ADGRE3: variants seen among roughly 807,000 people sequenced by gnomAD.
ADGRE3 encodes the protein EGF-like module receptor 3.
Under a neutral mutation model 80.1 loss-of-function variants are expected in ADGRE3, and 88 were observed. The observed-to-expected ratio is 1.10, with a 90% CI of 0.93 to 1.31. The LOEUF is 1.31. Ranked by LOEUF, ADGRE3 falls within the 40% of genes most tolerant of loss-of-function variation. ADGRE3 has a pLI of 0.00. For synonymous variants in ADGRE3, 281 were observed against 294.8 expected, an observed-to-expected ratio of 0.95 and a Z score of 0.48; for missense variants, 715 against 776.5, an observed-to-expected ratio of 0.92 and a Z score of 0.94.
intron 2 of ADGRE3, chr19:14,668,581 G>A: frequency 3.7e-6 from 2 of 547,146 alleles, no homozygotes; most frequent in South Asian, 5.3e-5. Context: ...ACTGTGGTTA[G>A]CAAAAACAGA....
At chr19:14,669,088 T>C (rs1972181310) in intron 1 of ADGRE3, among the ~76,000 whole-genome samples, 1 of 152,114 alleles carries the variant, frequency 6.6e-6, no homozygotes, top group South Asian at 2.1e-4. Flanking sequence ...AAGAAATCAT[T>C]ATATAAAAAA....
downstream of ADGRE3, chr19:14,619,092 C>T (rs542465163): frequency 1.3e-5 from 4 of 301,010 alleles, no homozygotes; most frequent in Admixed American, 5.6e-5. Flanking sequence ...CAGAGTGAAA[C>T]TCTGTCTTAA....
At chr19:14,664,394 G>A (rs576474095) in intron 2 of ADGRE3, among the ~76,000 whole-genome samples, 13 of 152,216 alleles carry the variant, frequency 8.5e-5, no homozygotes, top group South Asian at 2.1e-4. Flanking sequence ...CCGAGATCGC[G>A]CCATTGTGAT....
At chr19:14,618,187 A>G (rs1042277534), downstream of ADGRE3, among the ~76,000 whole-genome samples, 7 of 152,200 alleles carry the variant, frequency 4.6e-5, no homozygotes, top group Non-Finnish European at 1.0e-4. Flanking sequence ...ACATCGTGGA[A>G]TGACTAAGTC....
At chr19:14,667,588 G>A (rs1450796687) in intron 2 of ADGRE3, among the ~76,000 whole-genome samples, 1 of 152,046 alleles carries the variant, frequency 6.6e-6, no homozygotes, top group Non-Finnish European at 1.5e-5. Context: ...ACTATCAGAA[G>A]GACAGAAAAC....
At chr19:14,601,356 A>G in the ADGRE3 span, among the ~76,000 whole-genome samples, 1 of 152,214 alleles carries the variant, frequency 6.6e-6, no homozygotes, top group Non-Finnish European at 1.5e-5. Context: ...TGGTAGGGAA[A>G]TAAGTCTCAC....
intron 15 of ADGRE3, among the ~76,000 whole-genome samples, chr19:14,620,526 ATATATATATTTTATATATATAT>A (rs1457313542): frequency 1.5e-3 from 18 of 11,896 alleles, no homozygotes; most frequent in African/African-American, 2.3e-3. Flanking sequence ...CTATATATGA[ATATATATATTTTATATATATAT>A]TATATATATA....
rs577596349 is a variant in ADGRE3 at position 14,661,988 on chromosome 19, A to C, written c.330T>G (p.Ser110Arg). 23 of 1,614,226 alleles carry C rather than the reference A, an allele frequency of 1.4e-5. 2 individuals carry two copies. Among genetic ancestry groups the C allele is most frequent in the Middle Eastern group, 3.3e-4 (2 of 6,062 alleles). Reference protein sequence around the residue: ...YRLHSGNEQFSNSNENTCQDT... With the variant: ...YRLHSGNEQFRNSNENTCQDT... The stretch of plus-strand genomic sequence containing the variant: ...CCTGACAGGTGTTCTCATTGGAATT[A>C]CTGAATTGTTCATTCCCAGAATGCA... The change falls in exon 4 of 16, where the codon AGT becomes AGG. Residue 110 changes from serine (S) to arginine (R), a missense_variant. Transcript: ENST00000253673.
the ADGRE3 span, chr19:14,610,858 C>T: frequency 6.6e-6 from 1 of 152,140 alleles, no homozygotes; most frequent in Non-Finnish European, 1.5e-5. Flanking sequence ...GATGAGGTCT[C>T]ACTCTGTTGC....
chr19:14,623,936 A>T (rs1970665713), intron 15 of ADGRE3, among the ~76,000 whole-genome samples: 1 of 151,908 alleles, frequency 6.6e-6, no homozygotes, highest in Non-Finnish European at 1.5e-5. Context: ...CGGGAAAAGG[A>T]CTCTTCCTCA....
At chr19:14,612,278 C>T in the ADGRE3 span, among the ~76,000 whole-genome samples, 1 of 152,112 alleles carries the variant, frequency 6.6e-6, no homozygotes. Context: ...AGATGATCCT[C>T]TTCTCCCTGT....
At chr19:14,647,410 CTTTTTTTT>C in intron 7 of ADGRE3, 45 bp from the exon 8 acceptor site, 5 of 939,982 alleles carry the variant, frequency 5.3e-6, no homozygotes, top group East Asian at 3.1e-5. Flanking sequence ...TCTTTTCTTT[CTTTTTTTT>C]TTTTTTTTTT....
chr19:14,655,194 T>C (rs771573330), intron 5 of ADGRE3, 29 bp from the exon 6 acceptor site: 6 of 1,586,400 alleles, frequency 3.8e-6, no homozygotes, highest in Non-Finnish European at 5.1e-6. Flanking sequence ...TTTTCATTTT[T>C]TAAAAATGTA....
intron 11 of ADGRE3, among the ~76,000 whole-genome samples, chr19:14,633,708 AAAAAT>A (rs371090073): frequency 0.029 from 3,609 of 123,698 alleles, 154 homozygotes; most frequent in African/African-American, 0.079. Context: ...CCGTCTCAAA[AAAAAT>A]AAAATAAAAT....
intron 5 of ADGRE3, among the ~76,000 whole-genome samples, chr19:14,656,497 T>G (rs1439608005): frequency 6.6e-6 from 1 of 152,048 alleles, no homozygotes; most frequent in African/African-American, 2.4e-5. Context: ...ATAGTCAGGC[T>G]GAGGAGGCGG....
intron 15 of ADGRE3, among the ~76,000 whole-genome samples, chr19:14,620,548 T>TATTTTA: frequency 2.0e-4 from 5 of 24,976 alleles, no homozygotes; most frequent in African/African-American, 1.1e-3. Flanking sequence ...TATATATATA[T>TATTTTA]TATATATATA....
chr19:14,654,927 A>G (rs1317877401), intron 6 of ADGRE3, 55 bp downstream of exon 6: 16 of 1,439,022 alleles, frequency 1.1e-5, no homozygotes, highest in South Asian at 2.6e-5. Context: ...TGCCTAACCC[A>G]GATCCCAGCT....
At chr19:14,634,747 T>G (rs1970987884) in intron 11 of ADGRE3, among the ~76,000 whole-genome samples, 1 of 152,144 alleles carries the variant, frequency 6.6e-6, no homozygotes, top group Non-Finnish European at 1.5e-5. Flanking sequence ...ATCCGAGAGA[T>G]TGAAATAGAC....
intron 6 of ADGRE3, among the ~76,000 whole-genome samples, chr19:14,652,683 C>T (rs902654233): frequency 1.3e-5 from 2 of 148,586 alleles, no homozygotes; most frequent in East Asian, 4.0e-4. Flanking sequence ...AAGGCTGAGG[C>T]AGGAGAATTG....
Sources: gnomAD v4.1 joint callset for allele counts (sites outside exome capture counted in the v4.1 genomes callset) on GRCh38, gnomAD v4.1.1 for gene constraint, MANE v1.5 for transcripts, NCBI Gene and HGNC (gene_info 2026-07-23, HGNC 2026-07-21) for gene names.